The following TGFB2 variants were observed in gnomAD, a reference collection of about 807,000 sequenced individuals.
TGFB2 encodes the protein transforming growth factor beta-2 proprotein.
Under a neutral mutation model 42.7 loss-of-function variants are expected in TGFB2, and 13 were observed. The ratio of observed to expected loss-of-function variants is 0.30; its 90% CI spans 0.20 to 0.48. The LOEUF (loss-of-function observed/expected upper bound fraction) is 0.48, where lower values mean the gene tolerates loss of function less well. Ranked by LOEUF, TGFB2 falls within the 20% of genes least tolerant of loss-of-function variation. TGFB2 has a pLI of 0.99. For missense variants in TGFB2, 390 were observed against 517.5 expected (o/e 0.75, Z 2.39); for synonymous variants, 193 against 193.6 (o/e 1.00, Z 0.03).
At chr1:218,379,036 A>T (rs1191734825) in intron 1 of TGFB2, among the ~76,000 whole-genome samples, 1 of 151,836 alleles carries the variant, frequency 6.6e-6, no homozygotes, top group East Asian at 1.9e-4. Flanking sequence ...TCCTTAAAAC[A>T]TGACCTGCCA....
intron 1 of TGFB2, among the ~76,000 whole-genome samples, chr1:218,393,393 T>G (rs150388298): frequency 2.6e-5 from 4 of 152,342 alleles, no homozygotes; most frequent in African/African-American, 9.6e-5. Flanking sequence ...GTGCTTCTAA[T>G]CTATTAAAAG....
chr1:218,368,313 T>A (rs1657453774), intron 1 of TGFB2, among the ~76,000 whole-genome samples: 1 of 151,924 alleles, frequency 6.6e-6, no homozygotes, highest in Admixed American at 6.6e-5. Flanking sequence ...CCTGGCTAAT[T>A]TTTAGTAGAG....
rs574825594 is a variant in TGFB2 at position 218,394,703 on chromosome 1, G to GA, written c.347-10462dup. On this transcript the variant is annotated intron_variant, in intron 1 of 6. Coordinates refer to ENST00000366930, the MANE Select transcript of TGFB2 (RefSeq NM_003238.6). ...ATGTAATAGGTGGGATGGCCGGAGA[G>GA]AAAATCAGAAACCACCGCTGATGCG... 4.4e-3 allele frequency among the ~76,000 whole-genome samples: 663 copies of GA among 152,202 alleles called. 4 individuals carry two copies. The highest frequency in any genetic ancestry group is 0.016 in the African/African-American group (647 of 41,510).
Position 218,414,024 on chromosome 1 carries a change from G to C in TGFB2, c.510+8692G>C, listed in dbSNP as rs114437052. Among the ~76,000 whole-genome samples the C allele has an allele frequency of 8.9e-3, 1,362 of 152,246 alleles. 17 individuals are homozygous for C. Among genetic ancestry groups the C allele is most frequent in the African/African-American group, 0.031 (1,274 of 41,534 alleles). ...TCATCAGCTACCTTTACTGGACATT[G>C]CATATGTAACATCTCTGCAACAGAT... On this transcript the variant is annotated intron_variant, in intron 2 of 6. Transcript: ENST00000366930.
intron 1 of TGFB2, among the ~76,000 whole-genome samples, chr1:218,403,451 T>C (rs1658800201): frequency 6.6e-6 from 1 of 152,228 alleles, no homozygotes; most frequent in South Asian, 2.1e-4. Flanking sequence ...CTAGCATCTT[T>C]TTTTCTTCAG....
At chr1:218,353,956 C>G (rs1483549778) in intron 1 of TGFB2, among the ~76,000 whole-genome samples, 2 of 152,132 alleles carry the variant, frequency 1.3e-5, no homozygotes, top group Non-Finnish European at 2.9e-5. Context: ...AGAAAACCTT[C>G]CTTGATTGTC....
At chr1:218,418,061 C>A (rs1271047387) in intron 2 of TGFB2, among the ~76,000 whole-genome samples, 1 of 152,176 alleles carries the variant, frequency 6.6e-6, no homozygotes, top group Non-Finnish European at 1.5e-5. Flanking sequence ...ACTGGGGCAC[C>A]ACCTAGTGGA....
chr1:218,383,720 G>T (rs186961191), intron 1 of TGFB2, among the ~76,000 whole-genome samples: 1 of 152,308 alleles, frequency 6.6e-6, no homozygotes, highest in African/African-American at 2.4e-5. Context: ...AAGGACTTGC[G>T]AGATTTGATT....
At position 218,405,188 on chromosome 1, in the gene TGFB2, C is replaced by G. The variant is rs1658867330; in HGVS notation, c.366C>G (p.Phe122Leu). The change falls in exon 2 of 7, where the codon TTC becomes TTG. Residue 122 changes from phenylalanine to leucine, a missense_variant. Transcript: ENST00000366930. ...FPSENAIPPT[F>L]YRPYFRIVRF... The stretch of plus-strand genomic sequence containing the variant: ...TTACAGATGCCATCCCGCCCACTTT[C>G]TACAGACCCTACTTCAGAATTGTTC... 1 of 1,600,990 alleles carries G rather than the reference C, an allele frequency of 6.2e-7. No individual in the cohort carries two copies. Among genetic ancestry groups the G allele is most frequent in the Admixed American group, 1.7e-5 (1 of 59,274 alleles).
chr1:218,422,456 A>T (rs1659488287), intron 2 of TGFB2, among the ~76,000 whole-genome samples: 1 of 152,096 alleles, frequency 6.6e-6, no homozygotes, highest in Non-Finnish European at 1.5e-5. Context: ...TCTGGGCTCA[A>T]ACGATCCTTC....
chr1:218,374,629 C>A (rs1205074224), intron 1 of TGFB2, among the ~76,000 whole-genome samples: 1 of 152,198 alleles, frequency 6.6e-6, no homozygotes, highest in East Asian at 1.9e-4. Context: ...AGGAAGCTGA[C>A]TTTTGCTTTA....
intron 1 of TGFB2, among the ~76,000 whole-genome samples, chr1:218,357,702 T>G (rs17047719): frequency 0.042 from 6,423 of 152,300 alleles, 466 homozygotes; most frequent in African/African-American, 0.15. Flanking sequence ...TGGAAATAGT[T>G]TGAATGCATT....
intron 1 of TGFB2, among the ~76,000 whole-genome samples, chr1:218,348,130 A>G (rs957480960): frequency 2.0e-5 from 3 of 150,702 alleles, no homozygotes; most frequent in Admixed American, 2.0e-4. Context: ...GATACCTGAG[A>G]GGGTTAAATA....
At chr1:218,363,398 G>A (rs370087887) in intron 1 of TGFB2, 4 of 1,613,834 alleles carry the variant, frequency 2.5e-6, no homozygotes, top group African/African-American at 1.3e-5. Flanking sequence ...GACAGTCCCA[G>A]GTGCTCTGTG....
intron 1 of TGFB2, among the ~76,000 whole-genome samples, chr1:218,399,799 G>A (rs555351599): frequency 1.3e-5 from 2 of 152,016 alleles, no homozygotes; most frequent in South Asian, 2.1e-4. Flanking sequence ...TCAGAGCACT[G>A]TCTCTCGGGG....
At chr1:218,373,683 T>A (rs1657648231) in intron 1 of TGFB2, among the ~76,000 whole-genome samples, 1 of 152,040 alleles carries the variant, frequency 6.6e-6, no homozygotes, top group Non-Finnish European at 1.5e-5. Flanking sequence ...ATCCTATTCA[T>A]CACTCCTCCA....
chr1:218,347,889 G>C (rs1261420237), intron 1 of TGFB2, among the ~76,000 whole-genome samples: 1 of 150,390 alleles, frequency 6.6e-6, no homozygotes, highest in Non-Finnish European at 1.5e-5. Flanking sequence ...GCTTCCTGCA[G>C]TTACTTCAAT....
Position 218,420,812 on chromosome 1 carries a change from G to T in TGFB2, c.511-13270G>T, listed in dbSNP as rs777440314. On this transcript the variant is annotated intron_variant, in intron 2 of 6. Coordinates refer to ENST00000366930, the MANE Select transcript of TGFB2 (RefSeq NM_003238.6). ...AAAGCGAAAGAGTTCACGTAGTGAT[G>T]TAATAATGTAGCTATCTGAGCTCCA... Among the ~76,000 whole-genome samples, 114 of 152,218 alleles carry T rather than the reference G, an allele frequency of 7.5e-4. 1 individual carries two copies. The highest frequency in any genetic ancestry group is 3.0e-3 in the Admixed American group (46 of 15,280).
At chr1:218,363,152 T>G (rs1047304466) in intron 1 of TGFB2, among the ~76,000 whole-genome samples, 13 of 152,206 alleles carry the variant, frequency 8.5e-5, no homozygotes, top group African/African-American at 2.9e-4. Flanking sequence ...GGGACTAAAA[T>G]CTGGAATCCT....
Sources: gnomAD v4.1 joint callset for allele counts (sites outside exome capture counted in the v4.1 genomes callset) on GRCh38, gnomAD v4.1.1 for gene constraint, MANE v1.5 for transcripts, NCBI Gene and HGNC (gene_info 2026-07-23, HGNC 2026-07-21) for gene names.